RETREG2: variants seen among roughly 807,000 people sequenced by gnomAD.
RETREG2 encodes the protein reticulophagy regulator 2.
RETREG2 carries 21 observed loss-of-function variants against 51.6 expected under a neutral mutation model. The ratio of observed to expected loss-of-function variants is 0.41; its 90% confidence interval spans 0.29 to 0.59. RETREG2 has a LOEUF of 0.59. Among genes scored for constraint, RETREG2 ranks in the 20% least tolerant of loss-of-function variants. The pLI is 0.34. For synonymous variants in RETREG2, 339 were observed against 288.6 expected, an observed-to-expected ratio of 1.17 and a Z score of -1.77; for missense variants, 674 against 646.0, an observed-to-expected ratio of 1.04 and a Z score of -0.47.
intron 3 of RETREG2, 67 bp downstream of exon 3, chr2:219,179,830 C>G: frequency 6.5e-7 from 1 of 1,529,800 alleles, no homozygotes; most frequent in Non-Finnish European, 9.1e-7. Context: ...GCCAGTGTCA[C>G]CATGGAGCAG....
Position 219,178,481 on chromosome 2 carries a change from G to T in RETREG2, c.129G>T (p.Ala43=), listed in dbSNP as rs1393423604. Reference sequence around the variant, plus strand: ...CCACCAGTGAGGCAGAGGAGGAGGCGGCCACGGCCGAGGCGGTGGGACGCC... The same window carrying T: ...CCACCAGTGAGGCAGAGGAGGAGGCTGCCACGGCCGAGGCGGTGGGACGCC... The part of the protein sequence containing the change: ...SEATSEAEEE[A]ATAEAVGRLA... The change falls in exon 1 of 9, where the codon GCG becomes GCT. Residue 43 remains alanine, a synonymous_variant. Transcript: ENST00000430297. 2 of 1,162,614 alleles carry T rather than the reference G, an allele frequency of 1.7e-6. No individual in the cohort carries two copies. The highest frequency in any genetic ancestry group is 3.0e-5 in the East Asian group (1 of 33,126). The allele number at this position is 1,162,614 out of a possible 1,614,324, so 72.0% of individuals were successfully genotyped here. A position where few individuals can be genotyped will look rare whatever the true frequency, so the allele number is the denominator to read the frequency against.
intron 8 of RETREG2, 74 bp from the exon 9 acceptor site, chr2:219,181,939 C>T (rs1950285227): frequency 6.3e-7 from 1 of 1,578,986 alleles, no homozygotes; most frequent in Admixed American, 1.8e-5. Context: ...GAGTTCTCAT[C>T]CTTGAACTCA....
At position 219,181,362 on chromosome 2, in the gene RETREG2, T is replaced by C; in HGVS notation, c.785-7T>C. The C allele has an allele frequency of 6.2e-7, 1 of 1,613,828 alleles. No individual in the cohort carries two copies. The highest frequency in any genetic ancestry group is 1.1e-5 in the South Asian group (1 of 91,068). The stretch of plus-strand genomic sequence containing the variant: ...TGGTCATTGCTCTACTACTCTTGCT[T>C]TTCTAGAGCGTCAGGGGAAGAATGC... On this transcript the variant is annotated splice_region_variant and splice_polypyrimidine_tract_variant and intron_variant, in intron 6 of 8. Coordinates refer to ENST00000430297, the MANE Select transcript of RETREG2 (RefSeq NM_024293.6).
intron 3 of RETREG2, 69 bp downstream of exon 3, chr2:219,179,832 A>G (rs1950250924): frequency 1.3e-6 from 2 of 1,520,174 alleles, no homozygotes; most frequent in Non-Finnish European, 1.8e-6. Context: ...CAGTGTCACC[A>G]TGGAGCAGGG....
rs755802711 is a variant in RETREG2 at position 219,180,150 on chromosome 2, G to A, written c.460G>A (p.Val154Met). 8.7e-6 allele frequency: 14 copies of A among 1,614,050 alleles called. No individual in the cohort carries two copies. The highest frequency in any genetic ancestry group is 6.6e-5 in the South Asian group (6 of 91,084). The change falls in exon 4 of 9, where the codon GTG (valine) becomes ATG (methionine). Residue 154 changes from valine (V) to methionine (M), a missense_variant. Transcript: ENST00000430297. ...GSGARPHLLS[V>M]PELCRYLAES... ...AGGCGCCCGGCCGCACCTGCTGAGTGTGCCCGAGTTGTGCAGATACCTGGC... is the reference window on the plus strand; with the variant it reads ...AGGCGCCCGGCCGCACCTGCTGAGTATGCCCGAGTTGTGCAGATACCTGGC...
In RETREG2 at chr2:219,179,733, C is replaced by T. The variant is rs1485336763; in HGVS notation, c.389C>T (p.Ala130Val). ...ATTTGCCCCCCTCCTCTCTCTCTAG[C>T]ATCATCCCCAGAGGAGCCACACTCT... Reference protein sequence around the residue: ...WQPRFLPDVSASSPEEPHSDS... With the variant: ...WQPRFLPDVSVSSPEEPHSDS... The change falls in exon 3 of 9, where the codon GCA becomes GTA. Residue 130 changes from alanine (A) to valine (V), a missense_variant and splice_region_variant. Ala to Val is a moderately conservative substitution (Grantham distance 64). Transcript: ENST00000430297. The T allele has an allele frequency of 6.2e-7, 1 of 1,614,052 alleles. No homozygotes were observed. Among genetic ancestry groups the T allele is most frequent in the Non-Finnish European group, 8.5e-7 (1 of 1,179,928 alleles).
At position 219,181,366 on chromosome 2, in the gene RETREG2, T is replaced by C; in HGVS notation, c.785-3T>C. 2 of 1,613,954 alleles carry C rather than the reference T, an allele frequency of 1.2e-6. No homozygotes were observed. The highest frequency in any genetic ancestry group is 8.5e-7 in the Non-Finnish European group (1 of 1,179,916). On this transcript the variant is annotated splice_region_variant and splice_polypyrimidine_tract_variant and intron_variant, in intron 6 of 8. Transcript: ENST00000430297. ...CATTGCTCTACTACTCTTGCTTTTC[T>C]AGAGCGTCAGGGGAAGAATGCACCC... is the stretch of plus-strand genomic sequence containing the variant.
intron 7 of RETREG2, 54 bp downstream of exon 7, chr2:219,181,517 TC>T: frequency 6.2e-7 from 1 of 1,607,916 alleles, no homozygotes; most frequent in Non-Finnish European, 8.5e-7. Flanking sequence ...GAAAAATCTT[TC>T]TGCTTTGGAG....
Position 219,180,114 on chromosome 2 carries a change from G to T in RETREG2, c.424G>T (p.Gly142Cys). The T allele has an allele frequency of 6.2e-7, 1 of 1,614,008 alleles. No individual in the cohort carries two copies. The highest frequency in any genetic ancestry group is 8.5e-7 in the Non-Finnish European group (1 of 1,179,986). The change falls in exon 4 of 9, where the codon GGT (glycine) becomes TGT (cysteine). Residue 142 changes from glycine to cysteine, a missense_variant. Gly to Cys is a radical substitution (Grantham distance 159). Coordinates refer to ENST00000430297, the MANE Select transcript of RETREG2 (RefSeq NM_024293.6). ...GGTCATGTCATGTCTCCCCAGTGAGGGTGCGGGGTCAGGCGCCCGGCCGCA... is the reference window on the plus strand; with the variant it reads ...GGTCATGTCATGTCTCCCCAGTGAGTGTGCGGGGTCAGGCGCCCGGCCGCA... ...SPEEPHSDSE[G>C]AGSGARPHLL...
chr2:219,178,789 ATC>A (rs57922572), intron 1 of RETREG2, 131 bp from the exon 2 acceptor site: 44,797 of 1,144,122 alleles, frequency 0.039, 1,672 homozygotes, highest in African/African-American at 0.18. Context: ...ATTTTTTTCT[ATC>A]TCTGAGTCGT....
At chr2:219,179,054 A>G (rs1950235552) in intron 2 of RETREG2, 26 bp downstream of exon 2, 1 of 1,537,012 alleles carries the variant, frequency 6.5e-7, no homozygotes, top group Non-Finnish European at 9.0e-7. Context: ...TTCAGTAAGC[A>G]CCCATTGGGT....
rs138961640 is a variant in RETREG2, at chr2:219,182,561, C to T, written c.1564C>T (p.Pro522Ser). ...ACCGCCAAAACCCCCTGATGCTCCA[C>T]CCCTGGGGCCCGACATCCATTCTCT... is the stretch of plus-strand genomic sequence containing the variant. ...ETPPKPPDAP[P>S]LGPDIHSLVQ... The change falls in exon 9 of 9, where the codon CCC (proline) becomes TCC (serine). Residue 522 changes from proline (P) to serine (S), a missense_variant. Transcript: ENST00000430297. The T allele has an allele frequency of 2.5e-6, 4 of 1,614,184 alleles. No individual in the cohort carries two copies. Among genetic ancestry groups the T allele is most frequent in the South Asian group, 2.2e-5 (2 of 91,090 alleles).
intron 1 of RETREG2, 91 bp downstream of exon 1, chr2:219,178,724 C>T: frequency 2.2e-6 from 3 of 1,354,504 alleles, no homozygotes; most frequent in Non-Finnish European, 9.7e-7. Context: ...ATCACTTGGC[C>T]TGGGGGCATG....
At position 219,181,225 on chromosome 2, in the gene RETREG2, C is replaced by A. The variant is rs1389356434; in HGVS notation, c.784+20C>A. The A allele has an allele frequency of 1.2e-6, 2 of 1,613,406 alleles. No individual in the cohort carries two copies. Among genetic ancestry groups the A allele is most frequent in the African/African-American group, 2.7e-5 (2 of 74,906 alleles). Reference sequence around the variant, plus strand: ...AGAGGAGTAAGGGGCTGCCCTAAGCCAGGAGGGTGAAAGAGCGGGAGGGCC... The same window carrying A: ...AGAGGAGTAAGGGGCTGCCCTAAGCAAGGAGGGTGAAAGAGCGGGAGGGCC... On this transcript the variant is annotated intron_variant, in intron 6 of 8. Transcript: ENST00000430297.
intron 8 of RETREG2, 34 bp downstream of exon 8, chr2:219,181,809 C>A: frequency 6.2e-7 from 1 of 1,606,710 alleles, no homozygotes; most frequent in Non-Finnish European, 8.5e-7. Context: ...TGCTCCCCGC[C>A]ACAATCTTTG....
At chr2:219,178,673 G>A in intron 1 of RETREG2, 40 bp downstream of exon 1, 1 of 1,423,314 alleles carries the variant, frequency 7.0e-7, no homozygotes, top group Non-Finnish European at 9.1e-7. Flanking sequence ...GGGATGAGCG[G>A]GGGAGGGAGG....
chr2:219,183,903 C>T lies in RETREG2; in HGVS notation c.*1274C>T, dbSNP rs1220320435. On this transcript the variant is annotated 3_prime_UTR_variant, in exon 9 of 9. Transcript: ENST00000430297. ...CCAAACAAGCAATAGAGGACCTTTA[C>T]CTGTGTTAGAAATGAGTTGGAGCCA... 1 of 152,196 alleles carries T rather than the reference C, an allele frequency of 6.6e-6. No individual in the cohort carries two copies. The highest frequency in any genetic ancestry group is 2.4e-5 in the African/African-American group (1 of 41,442). The allele number at this position is 152,196 out of a possible 1,614,324, so 9.4% of individuals were successfully genotyped here.
At chr2:219,180,274 C>G (rs372881719) in intron 4 of RETREG2, 29 bp downstream of exon 4, 4 of 1,613,534 alleles carry the variant, frequency 2.5e-6, no homozygotes, top group African/African-American at 2.7e-5. Flanking sequence ...TACAACAGTT[C>G]ACTACACTGA....
rs1321477298 is a variant in RETREG2 at position 219,184,038 on chromosome 2, ATACTGT to A, written c.*1414_*1419del. 6.6e-6 allele frequency: 1 copy of A among 152,244 alleles called. No homozygotes were observed. Among genetic ancestry groups the A allele is most frequent in the Admixed American group, 6.5e-5 (1 of 15,282 alleles). The allele number at this position is 152,244 out of a possible 1,614,324, so 9.4% of individuals were successfully genotyped here. A position where few individuals can be genotyped will look rare whatever the true frequency, so the allele number is the denominator to read the frequency against. On this transcript the variant is annotated 3_prime_UTR_variant, in exon 9 of 9. Transcript: ENST00000430297. ...AGATTTTTCCTCACAGGTCAGATAT[ATACTGT>A]TACTAACTTCATTTTATAGACAGGT...
Sources: gnomAD v4.1 joint callset for allele counts on GRCh38, gnomAD v4.1.1 for gene constraint, MANE v1.5 for transcripts, NCBI Gene and HGNC (gene_info 2026-07-23, HGNC 2026-07-21) for gene names.